GNAL: variants seen among roughly 807,000 people sequenced by gnomAD.
GNAL encodes the protein G protein subunit alpha L.
GNAL carries 18 observed loss-of-function variants against 55.1 expected under a neutral mutation model. That is an observed-to-expected ratio of 0.33 (90% confidence interval 0.23 to 0.48). GNAL has a LOEUF of 0.48. Ranked by LOEUF, GNAL falls within the 20% of genes least tolerant of loss-of-function variation. GNAL has a pLI of 0.99. For synonymous variants in GNAL, 253 were observed against 237.0 expected (o/e 1.07, Z -0.62); for missense variants, 412 against 614.1 (o/e 0.67, Z 3.48).
At chr18:11,858,546 G>A (rs752613476) in intron 5 of GNAL, among the ~76,000 whole-genome samples, 1 of 152,086 alleles carries the variant, frequency 6.6e-6, no homozygotes, top group Non-Finnish European at 1.5e-5. Flanking sequence ...AATCACAGAA[G>A]CCCCAATTTG....
chr18:11,849,230 G>A (rs2035800690), intron 5 of GNAL, among the ~76,000 whole-genome samples: 1 of 152,190 alleles, frequency 6.6e-6, no homozygotes, highest in South Asian at 2.1e-4. Flanking sequence ...GGCTGGGCAC[G>A]GTGGCCCACG....
At chr18:11,795,950 G>A (rs780864812) in intron 4 of GNAL, among the ~76,000 whole-genome samples, 8 of 152,158 alleles carry the variant, frequency 5.3e-5, no homozygotes, top group Non-Finnish European at 8.8e-5. Context: ...GGGATAGAGC[G>A]TTCCTAGACA....
chr18:11,711,761 G>T (rs899215946), intron 1 of GNAL, among the ~76,000 whole-genome samples: 7 of 152,128 alleles, frequency 4.6e-5, no homozygotes, highest in African/African-American at 1.7e-4. Context: ...TCATTTAGTT[G>T]TGTCCCATTT....
At chr18:11,712,368 C>T (rs1460601139) in intron 1 of GNAL, among the ~76,000 whole-genome samples, 1 of 152,204 alleles carries the variant, frequency 6.6e-6, no homozygotes, top group Non-Finnish European at 1.5e-5. Flanking sequence ...GCCCTTTTTA[C>T]CTCTTTTAAT....
At chr18:11,852,871 T>A (rs903494629) in intron 5 of GNAL, 2 of 167,062 alleles carry the variant, frequency 1.2e-5, no homozygotes, top group Non-Finnish European at 2.9e-5. Flanking sequence ...TAAATTGAGT[T>A]TTTAAAAAGA....
rs374618400 is a variant in GNAL at position 11,823,028 on chromosome 18, G to A, written c.625-1890G>A. Among the ~76,000 whole-genome samples, 17 of 152,056 alleles carry A rather than the reference G, an allele frequency of 1.1e-4. 2 individuals carry two copies. Among genetic ancestry groups the A allele is most frequent in the African/African-American group, 3.9e-4 (16 of 41,480 alleles). On this transcript the variant is annotated intron_variant, in intron 4 of 11. Coordinates refer to ENST00000334049, the MANE Select transcript of GNAL (RefSeq NM_182978.4). ...AGTTTTTATATATCATACGTCTGTC[G>A]TGTCCAGAGAAATCAGGTGCCCAGA...
At chr18:11,724,163 A>G (rs1043539965) in intron 1 of GNAL, among the ~76,000 whole-genome samples, 2 of 152,178 alleles carry the variant, frequency 1.3e-5, no homozygotes, top group Non-Finnish European at 2.9e-5. Context: ...GGAAACTTAT[A>G]AAGAAAAGAG....
intron 10 of GNAL, among the ~76,000 whole-genome samples, chr18:11,876,259 G>A (rs569743137): frequency 5.6e-4 from 86 of 152,322 alleles, no homozygotes; most frequent in African/African-American, 2.0e-3. Flanking sequence ...TGGCCCTGAA[G>A]TCAGGAGTCT....
rs1021360902 is a variant in GNAL at position 11,866,170 on chromosome 18, G to A, written c.852-998G>A. On this transcript the variant is annotated intron_variant, in intron 7 of 11. Transcript: ENST00000334049. ...ATCATAACCAAGTCCCTGGCATAGT[G>A]GAATTACTAACAATGAAGCTGTATC... Among the ~76,000 whole-genome samples, 33 of 150,204 alleles carry A rather than the reference G, an allele frequency of 2.2e-4. 3 individuals carry two copies. Among genetic ancestry groups the A allele is most frequent in the African/African-American group, 7.8e-4 (31 of 39,534 alleles).
intron 4 of GNAL, 53 bp from the exon 5 acceptor site, chr18:11,824,865 T>C: frequency 1.0e-6 from 1 of 952,384 alleles, no homozygotes; most frequent in Non-Finnish European, 1.6e-6. Context: ...TTTAACTTTT[T>C]AAAAGGTTAT....
chr18:11,818,677 G>T (rs148362710), intron 4 of GNAL, among the ~76,000 whole-genome samples: 2 of 152,344 alleles, frequency 1.3e-5, no homozygotes, highest in East Asian at 3.9e-4. Context: ...TGCTCAGTGT[G>T]TCTGACCGAG....
intron 5 of GNAL, among the ~76,000 whole-genome samples, chr18:11,861,615 C>T (rs1272714136): frequency 6.6e-6 from 1 of 152,160 alleles, no homozygotes; most frequent in Non-Finnish European, 1.5e-5. Flanking sequence ...CAGGCTGGCA[C>T]AGAGAGGGCG....
chr18:11,794,759 TAAAA>T (rs775143875), intron 4 of GNAL, among the ~76,000 whole-genome samples: 2 of 90,368 alleles, frequency 2.2e-5, no homozygotes, highest in Non-Finnish European at 2.2e-5. Context: ...ACACACAGGT[TAAAA>T]AAAAAAAAAA....
In GNAL at chr18:11,689,813, G is replaced by C. The variant is rs771151753; in HGVS notation, c.250G>C (p.Glu84Gln). The change falls in exon 1 of 12, where the codon GAG becomes CAG. Residue 84 changes from glutamate to glutamine, a missense_variant. Glu to Gln is a conservative substitution (Grantham distance 29, BLOSUM62 2). Coordinates refer to ENST00000334049, the MANE Select transcript of GNAL (RefSeq NM_182978.4). ...GCAGCGCACCGAGCAGCTGAGTGCCGAGGAGCGCGAGGCGGCCAAGGAGCG... is the reference window on the plus strand; with the variant it reads ...GCAGCGCACCGAGCAGCTGAGTGCCCAGGAGCGCGAGGCGGCCAAGGAGCG... ...KRQRTEQLSA[E>Q]EREAAKEREA... 6.5e-7 allele frequency: 1 copy of C among 1,537,556 alleles called. No homozygotes were observed. Among genetic ancestry groups the C allele is most frequent in the South Asian group, 1.2e-5 (1 of 83,060 alleles).
chr18:11,839,386 G>T (rs1200163420), intron 5 of GNAL, among the ~76,000 whole-genome samples: 3 of 146,670 alleles, frequency 2.0e-5, no homozygotes, highest in Non-Finnish European at 4.5e-5. Context: ...TCTACTAAAA[G>T]TAAAAAAAAA....
At chr18:11,738,379 G>T (rs2032502151) in intron 1 of GNAL, among the ~76,000 whole-genome samples, 1 of 151,882 alleles carries the variant, frequency 6.6e-6, no homozygotes, top group Admixed American at 6.6e-5. Context: ...GGGCAGCAAT[G>T]TCTCTGGCTG....
Position 11,752,984 on chromosome 18 carries a change from C to A in GNAL, c.449+59C>A. 3.1e-6 allele frequency: 3 copies of A among 956,756 alleles called. No homozygotes were observed. The highest frequency in any genetic ancestry group is 5.0e-6 in the Non-Finnish European group (3 of 597,298). The allele number at this position is 956,756 out of a possible 1,614,324, so 59.3% of individuals were successfully genotyped here. A position where few individuals can be genotyped will look rare whatever the true frequency, so the allele number is the denominator to read the frequency against. ...CAAACTTCGTCTCTCTCCCAGACGT[C>A]CCAAAAGTGCTTTCTCTAAACAATT... On this transcript the variant is annotated intron_variant, in intron 2 of 11. Coordinates refer to ENST00000334049, the MANE Select transcript of GNAL (RefSeq NM_182978.4). This position sits in a 1 kb window ranked among gnomAD's most constrained non-coding sequence, Gnocchi z 4.5.
chr18:11,750,633 T>C (rs1320606496), intron 1 of GNAL, among the ~76,000 whole-genome samples: 1 of 151,964 alleles, frequency 6.6e-6, no homozygotes, highest in Non-Finnish European at 1.5e-5. Flanking sequence ...ACTTGGCCCC[T>C]GGGGGGCCCT....
At chr18:11,730,728 C>T (rs1459935133) in intron 1 of GNAL, among the ~76,000 whole-genome samples, 2 of 151,916 alleles carry the variant, frequency 1.3e-5, no homozygotes, top group African/African-American at 4.8e-5. Flanking sequence ...CGCGTCACTG[C>T]ACCCCAGCCT....
Sources: gnomAD v4.1 joint callset for allele counts (sites outside exome capture counted in the v4.1 genomes callset) on GRCh38, gnomAD v4.1.1 for gene constraint, Gnocchi (gnomAD v3.1) non-coding constraint, MANE v1.5 for transcripts, NCBI Gene and HGNC (gene_info 2026-07-23, HGNC 2026-07-21) for gene names.